DUSP16: variants seen among roughly 807,000 people sequenced by gnomAD.
The protein encoded by DUSP16 is dual specificity phosphatase 16.
DUSP16 carries 21 observed loss-of-function variants against 58.3 expected under a neutral mutation model. The ratio of observed to expected loss-of-function variants is 0.36; its 90% CI spans 0.26 to 0.52. The LOEUF is 0.52. DUSP16 is among the 20% of genes least tolerant of loss of function. The pLI is 0.94. For synonymous variants in DUSP16, 320 were observed against 323.8 expected (o/e 0.99, Z 0.12); for missense variants, 726 against 819.0 (o/e 0.89, Z 1.39).
chr12:12,539,751 TA>T (rs71061077), intron 1 of DUSP16, among the ~76,000 whole-genome samples: 158 of 139,490 alleles, frequency 1.1e-3, no homozygotes, highest in Admixed American at 1.4e-3. Flanking sequence ...AGCAGTTATT[TA>T]AAAAAAAAAA....
intron 3 of DUSP16, among the ~76,000 whole-genome samples, chr12:12,517,476 C>T (rs1189023151): frequency 1.1e-4 from 16 of 152,206 alleles, no homozygotes; most frequent in Non-Finnish European, 2.2e-4. Flanking sequence ...ACATCCCTGG[C>T]TTGTCCTCTG....
chr12:12,543,242 T>C (rs895840629), intron 1 of DUSP16, among the ~76,000 whole-genome samples: 1 of 152,178 alleles, frequency 6.6e-6, no homozygotes, highest in African/African-American at 2.4e-5. Flanking sequence ...TTTACTGGGG[T>C]TGACAACTGT....
chr12:12,515,526 C>T (rs1011237294), intron 3 of DUSP16, among the ~76,000 whole-genome samples: 5 of 151,902 alleles, frequency 3.3e-5, no homozygotes, highest in African/African-American at 1.2e-4. Context: ...CGGGGTTTCT[C>T]CACATTGGTC....
chr12:12,552,152 T>C (rs1042440216), intron 1 of DUSP16, among the ~76,000 whole-genome samples: 1 of 152,100 alleles, frequency 6.6e-6, no homozygotes, highest in Non-Finnish European at 1.5e-5. Context: ...GTGCAACTAA[T>C]ATTTAAGAAT....
At chr12:12,543,102 G>A (rs78377239) in intron 1 of DUSP16, among the ~76,000 whole-genome samples, 2,092 of 152,268 alleles carry the variant, frequency 0.014, 55 homozygotes, top group African/African-American at 0.047. Context: ...CCCAGTCTAA[G>A]GTTGTTATAG....
At chr12:12,560,920 C>T (rs1042762014) in intron 1 of DUSP16, 8 of 109,514 alleles carry the variant, frequency 7.3e-5, no homozygotes, top group African/African-American at 3.0e-4. Flanking sequence ...AACACTAGTC[C>T]TAAACTTTTG....
Position 12,490,609 on chromosome 12 carries a change from G to C in DUSP16, c.532-3422C>G, listed in dbSNP as rs562384034. Among the ~76,000 whole-genome samples, 11 of 152,238 alleles carry C rather than the reference G, an allele frequency of 7.2e-5. No homozygotes were observed. The South Asian group carries it at 2.3e-3, about 32-fold the overall frequency. ...ATGCATGAATACACTGATTTCTGATGCAGGACCACAGCTTCTTGTTTTCTA... is the reference window on the plus strand; with the variant it reads ...ATGCATGAATACACTGATTTCTGATCCAGGACCACAGCTTCTTGTTTTCTA... On this transcript the variant is annotated intron_variant, in intron 4 of 6. Transcript: ENST00000298573.
At position 12,545,097 on chromosome 12, in the gene DUSP16, T is replaced by C. The variant is rs556873949; in HGVS notation, c.-366+17020A>G. ...TGCCATATGAATTTTAGAATCAACTTATATAAACTTCTGTAAAAGTTTCAG... is the reference window on the plus strand; with the variant it reads ...TGCCATATGAATTTTAGAATCAACTCATATAAACTTCTGTAAAAGTTTCAG... On this transcript the variant is annotated intron_variant, in intron 1 of 6. Transcript: ENST00000298573. 7.9e-5 allele frequency among the ~76,000 whole-genome samples: 12 copies of C among 152,342 alleles called. No homozygotes were observed. The East Asian group carries it at 2.3e-3, about 29-fold the overall frequency.
intron 5 of DUSP16, 69 bp downstream of exon 5, chr12:12,486,959 G>T: frequency 3.8e-6 from 6 of 1,567,570 alleles, no homozygotes; most frequent in Non-Finnish European, 5.3e-6. Context: ...AAAAATGGGG[G>T]GCTGAGGGGG....
At chr12:12,537,439 C>G (rs1025723455) in intron 1 of DUSP16, among the ~76,000 whole-genome samples, 3 of 152,324 alleles carry the variant, frequency 2.0e-5, no homozygotes, top group South Asian at 2.1e-4. Flanking sequence ...GGCAATGTTC[C>G]TTTGCCAAAT....
intron 3 of DUSP16, among the ~76,000 whole-genome samples, chr12:12,502,143 AC>A (rs1199455604): frequency 1.3e-5 from 2 of 152,334 alleles, no homozygotes; most frequent in East Asian, 3.8e-4. Context: ...ACTTTCTCCC[AC>A]TTCAAGAAAC....
At chr12:12,550,234 T>C (rs1022194528) in intron 1 of DUSP16, among the ~76,000 whole-genome samples, 8 of 150,858 alleles carry the variant, frequency 5.3e-5, no homozygotes, top group African/African-American at 7.3e-5. Context: ...GACGGCGCCA[T>C]TGCCCTCCAG....
Position 12,519,895 on chromosome 12 carries a change from C to G in DUSP16, c.334G>C (p.Glu112Gln). Reference sequence around the variant, plus strand: ...AGGTGAACAGAGTTGAAGCTCTTCTCCAGTTTACCCAGAAGTACAGTGAGA... The same window carrying G: ...AGGTGAACAGAGTTGAAGCTCTTCTGCAGTTTACCCAGAAGTACAGTGAGA... ...CFLTVLLGKLEKSFNSVHLLA... is the reference protein window; with the variant it reads ...CFLTVLLGKLQKSFNSVHLLA... Residue 112 changes from glutamate (E) to glutamine (Q), a missense_variant, in exon 3 of 7, where the codon GAG (glutamate) becomes CAG (glutamine). By Grantham distance (29) the Glu-to-Gln change is conservative. Coordinates refer to ENST00000298573, the MANE Select transcript of DUSP16 (RefSeq NM_030640.3). The G allele has an allele frequency of 6.2e-7, 1 of 1,614,060 alleles. No individual in the cohort carries two copies. Among genetic ancestry groups the G allele is most frequent in the Non-Finnish European group, 8.5e-7 (1 of 1,179,974 alleles).
Position 12,539,898 on chromosome 12 carries a change from G to A in DUSP16, c.-365-18435C>T, listed in dbSNP as rs550599590. Among the ~76,000 whole-genome samples, 6 of 151,740 alleles carry A rather than the reference G, an allele frequency of 4.0e-5. No homozygotes were observed. In the South Asian group the frequency reaches 6.3e-4, roughly 16 times the overall value. ...AAACCCCGTCTCTACTAAAAAATAC[G>A]AAAAAATTAGCCGGGCGTGGTAGCA... On this transcript the variant is annotated intron_variant, in intron 1 of 6. Coordinates refer to ENST00000298573, the MANE Select transcript of DUSP16 (RefSeq NM_030640.3).
intron 1 of DUSP16, among the ~76,000 whole-genome samples, chr12:12,532,243 A>G (rs1302574369): frequency 2.6e-5 from 4 of 152,224 alleles, no homozygotes. Flanking sequence ...AATACTGGAA[A>G]AGGCCTACAT....
At position 12,562,527 on chromosome 12, in the gene DUSP16, C is replaced by T. The variant is rs1944923081; in HGVS notation, c.-776G>A. 1 of 129,356 alleles carries T rather than the reference C, an allele frequency of 7.7e-6. No homozygotes were observed. The highest frequency in any genetic ancestry group is 2.4e-4 in the South Asian group (1 of 4,230). The allele number at this position is 129,356 out of a possible 1,614,324, so 8.0% of individuals were successfully genotyped here. On this transcript the variant is annotated 5_prime_UTR_variant, in exon 1 of 7. Transcript: ENST00000298573. ...ATCGTTTAAAAACTGATTAAAGCCC[C>T]CCAAACACTGATACATAGAAAGAGG...
chr12:12,551,023 G>A (rs140891894), intron 1 of DUSP16, among the ~76,000 whole-genome samples: 1 of 152,024 alleles, frequency 6.6e-6, no homozygotes, highest in Non-Finnish European at 1.5e-5. Context: ...CACACATAAA[G>A]CATTTCTGCT....
intron 1 of DUSP16, among the ~76,000 whole-genome samples, chr12:12,538,121 C>T (rs1169514773): frequency 6.6e-6 from 1 of 152,128 alleles, no homozygotes; most frequent in African/African-American, 2.4e-5. Flanking sequence ...TTCAGAGAAT[C>T]AGGCAGGTTT....
At chr12:12,501,434 C>CCTCGCTA (rs1943909000) in intron 3 of DUSP16, among the ~76,000 whole-genome samples, 1 of 152,190 alleles carries the variant, frequency 6.6e-6, no homozygotes, top group Admixed American at 6.5e-5. Context: ...GCTCTATGAC[C>CCTCGCTA]TTCACTAAGT....
Sources: gnomAD v4.1 joint callset for allele counts (sites outside exome capture counted in the v4.1 genomes callset) on GRCh38, gnomAD v4.1.1 for gene constraint, MANE v1.5 for transcripts, NCBI Gene and HGNC (gene_info 2026-07-23, HGNC 2026-07-21) for gene names.